Variants in DCDC1 observed in about 807,000 individuals in gnomAD.
DCDC1 encodes doublecortin domain-containing protein 1.
A neutral mutation model predicts 178.3 loss-of-function variants in DCDC1; 200 were observed. That is an observed-to-expected ratio of 1.12 (90% CI 1.00 to 1.26). The LOEUF is 1.26. Ranked by LOEUF, DCDC1 falls within the 50% of genes most tolerant of loss-of-function variation. DCDC1 has a pLI of 0.00. For synonymous variants in DCDC1, 690 were observed against 604.8 expected (o/e 1.14, Z -2.07); for missense variants, 1,983 against 1,749.2 (o/e 1.13, Z -2.38).
At chr11:30,973,187 A>T (rs1949908451) in intron 20 of DCDC1, among the ~76,000 whole-genome samples, 1 of 149,650 alleles carries the variant, frequency 6.7e-6, no homozygotes, top group African/African-American at 2.5e-5. Flanking sequence ...CAGGAGAATC[A>T]CTTGAACCGG....
chr11:31,122,680 G>A (rs1241649304), intron 11 of DCDC1, among the ~76,000 whole-genome samples: 1 of 152,136 alleles, frequency 6.6e-6, no homozygotes, highest in East Asian at 1.9e-4. Context: ...GTTCTGACCC[G>A]AATGTTGATT....
chr11:31,307,019 C>T (rs780556352), intron 4 of DCDC1, among the ~76,000 whole-genome samples: 4 of 152,176 alleles, frequency 2.6e-5, no homozygotes, highest in Admixed American at 1.3e-4. Context: ...AACTGACTAA[C>T]GTCAAATTTT....
In DCDC1 at chr11:31,139,540, A is replaced by C. The variant is rs555331615; in HGVS notation, c.1222-1756T>G. Among the ~76,000 whole-genome samples, 3 of 152,328 alleles carry C rather than the reference A, an allele frequency of 2.0e-5. No homozygotes were observed. The South Asian group carries it at 6.2e-4, about 32-fold the overall frequency. ...TGGAGAATATTTACCAAGTTCATCTATTCTTTACAAAATTTATTTCCAAAT... is the reference window on the plus strand; with the variant it reads ...TGGAGAATATTTACCAAGTTCATCTCTTCTTTACAAAATTTATTTCCAAAT... On this transcript the variant is annotated intron_variant, in intron 9 of 38. Transcript: ENST00000684477.
chr11:31,217,132 G>A (rs947933714), intron 9 of DCDC1, among the ~76,000 whole-genome samples: 1 of 151,956 alleles, frequency 6.6e-6, no homozygotes, highest in Non-Finnish European at 1.5e-5. Context: ...ATAGAAAAGG[G>A]AGGTAAGAGG....
At chr11:31,287,186 TAAAAC>T (rs1288352278) in intron 7 of DCDC1, among the ~76,000 whole-genome samples, 1 of 150,054 alleles carries the variant, frequency 6.7e-6, no homozygotes, top group Admixed American at 6.7e-5. Flanking sequence ...CAAAATCAAA[TAAAAC>T]AAAAGCAATG....
chr11:31,285,338 T>G lies in DCDC1; in HGVS notation c.960+5309A>C, dbSNP rs574005740. On this transcript the variant is annotated intron_variant, in intron 7 of 38. Transcript: ENST00000684477. ...AATATCAATGGACTTTTCTTCATAT[T>G]TCATAAAAAGCTCTTTAAAGAAGTT... 3.9e-5 allele frequency among the ~76,000 whole-genome samples: 6 copies of G among 152,270 alleles called. No individual in the cohort carries two copies. In the South Asian group the frequency reaches 1.0e-3, roughly 26 times the overall value.
intron 22 of DCDC1, among the ~76,000 whole-genome samples, chr11:30,927,018 C>T (rs928768384): frequency 3.3e-5 from 5 of 152,012 alleles, no homozygotes; most frequent in Non-Finnish European, 5.9e-5. Flanking sequence ...TGCCAGGACA[C>T]CCCACCCCAG....
chr11:31,246,049 T>C (rs61879862), intron 8 of DCDC1, among the ~76,000 whole-genome samples: 13,365 of 151,966 alleles, frequency 0.088, 852 homozygotes, highest in Non-Finnish European at 0.13. Context: ...AGGGAATATA[T>C]ATCCCTCTCC....
intron 22 of DCDC1, among the ~76,000 whole-genome samples, chr11:30,928,145 G>A (rs1946706357): frequency 6.6e-6 from 1 of 152,038 alleles, no homozygotes; most frequent in African/African-American, 2.4e-5. Flanking sequence ...CATTCTATTA[G>A]TTATTTCAGA....
At chr11:30,971,417 G>A (rs989011774) in intron 20 of DCDC1, among the ~76,000 whole-genome samples, 2 of 151,710 alleles carry the variant, frequency 1.3e-5, no homozygotes, top group Non-Finnish European at 2.9e-5. Flanking sequence ...ACAATACAAA[G>A]AAATTAGGAA....
chr11:31,080,389 A>G (rs369569616), intron 17 of DCDC1, among the ~76,000 whole-genome samples: 39 of 152,328 alleles, frequency 2.6e-4, no homozygotes, highest in African/African-American at 9.1e-4. Flanking sequence ...CATCTCAATT[A>G]GATCAGAAAA....
At chr11:31,056,293 C>T (rs1229085794) in intron 20 of DCDC1, among the ~76,000 whole-genome samples, 17 of 151,766 alleles carry the variant, frequency 1.1e-4, no homozygotes, top group Non-Finnish European at 1.5e-5. Flanking sequence ...AAACAGGACA[C>T]AGAATAAATG....
intron 20 of DCDC1, among the ~76,000 whole-genome samples, chr11:30,998,963 C>T (rs906659055): frequency 6.6e-6 from 1 of 152,048 alleles, no homozygotes; most frequent in East Asian, 1.9e-4. Flanking sequence ...TGATATAATG[C>T]AATAAAAAGA....
At chr11:31,156,383 G>A (rs1013580136) in intron 9 of DCDC1, among the ~76,000 whole-genome samples, 6 of 151,852 alleles carry the variant, frequency 4.0e-5, no homozygotes, top group Non-Finnish European at 8.8e-5. Context: ...GTCAGATCTG[G>A]CCCCCAGGCT....
intron 20 of DCDC1, among the ~76,000 whole-genome samples, chr11:31,051,042 C>A (rs1261137128): frequency 6.6e-6 from 1 of 151,846 alleles, no homozygotes; most frequent in Non-Finnish European, 1.5e-5. Flanking sequence ...CAGGGAGGGA[C>A]CAGAGAAAGG....
In DCDC1 at chr11:30,899,552, C is replaced by T; in HGVS notation, c.4754G>A (p.Arg1585Lys). The T allele has an allele frequency of 1.9e-6, 3 of 1,568,530 alleles. No homozygotes were observed. The highest frequency in any genetic ancestry group is 2.6e-6 in the Non-Finnish European group (3 of 1,158,360). The change falls in exon 34 of 39, where the codon AGA becomes AAA. Residue 1585 changes from arginine to lysine, a missense_variant. Physicochemically the swap from Arg to Lys is conservative, Grantham distance 26. Transcript: ENST00000684477. ...ADLDTMRHKM[R>K]QLKGRRVAAC... ...TAGTTCATACTGACCTTTTAACTGT[C>T]TCATTTTGTGTCTCATGGTATCTAG... is the stretch of plus-strand genomic sequence containing the variant.
At chr11:31,316,248 T>G (rs1206118711) in intron 3 of DCDC1, among the ~76,000 whole-genome samples, 13 of 98,052 alleles carry the variant, frequency 1.3e-4, no homozygotes, top group East Asian at 5.4e-4. Context: ...CCACAATGGT[T>G]GAACTAGTTT....
At chr11:31,099,614 A>G (rs961459341) in intron 15 of DCDC1, among the ~76,000 whole-genome samples, 13 of 152,066 alleles carry the variant, frequency 8.5e-5, no homozygotes, top group Non-Finnish European at 1.8e-4. Flanking sequence ...GGGAAACGTC[A>G]TATCTGGTTT....
intron 20 of DCDC1, among the ~76,000 whole-genome samples, chr11:30,960,038 A>C (rs1949001396): frequency 6.6e-6 from 1 of 152,164 alleles, no homozygotes; most frequent in Non-Finnish European, 1.5e-5. Flanking sequence ...CCCAAAAGAC[A>C]CGGGTGAGGA....
Sources: allele counts gnomAD v4.1 joint callset (sites outside exome capture counted in the v4.1 genomes callset), GRCh38; gene constraint gnomAD v4.1.1; transcripts MANE v1.5; gene names NCBI Gene and HGNC (gene_info 2026-07-23, HGNC 2026-07-21).